Variants in AGBL1 observed in about 807,000 individuals in gnomAD.
AGBL1 encodes AGBL carboxypeptidase 1.
Under a neutral mutation model 118.9 loss-of-function variants are expected in AGBL1, and 130 were observed. The observed-to-expected ratio is 1.09, with a 90% CI of 0.95 to 1.26. The LOEUF (loss-of-function observed/expected upper bound fraction) is 1.26. AGBL1 is among the 50% of genes most tolerant of loss of function. The pLI is 0.00. For synonymous variants in AGBL1, 555 were observed against 478.9 expected (o/e 1.16, Z -2.08); for missense variants, 1,584 against 1,298.1 (o/e 1.22, Z -3.38).
intron 18 of AGBL1, among the ~76,000 whole-genome samples, chr15:86,458,050 C>T (rs1596139271): frequency 6.9e-6 from 1 of 144,596 alleles, no homozygotes; most frequent in East Asian, 1.9e-4. Flanking sequence ...TTTTTGGAAG[C>T]CAAATACACT....
intron 1 of AGBL1, among the ~76,000 whole-genome samples, chr15:86,126,418 A>G (rs1007350217): frequency 6.6e-6 from 1 of 152,216 alleles, no homozygotes; most frequent in Admixed American, 6.5e-5. Flanking sequence ...GCAGAATTCT[A>G]GGGTGACATC....
intron 22 of AGBL1, among the ~76,000 whole-genome samples, chr15:86,836,715 A>G (rs375069286): frequency 6.6e-6 from 1 of 151,888 alleles, no homozygotes; most frequent in East Asian, 1.9e-4. Context: ...CCTTCACCAC[A>G]TGTTCCAGTC....
intron 3 of AGBL1, among the ~76,000 whole-genome samples, chr15:86,148,213 C>A (rs1454632066): frequency 2.6e-5 from 4 of 152,176 alleles, no homozygotes; most frequent in African/African-American, 9.7e-5. Flanking sequence ...AAAATCAGAG[C>A]ATCTCTTCTC....
rs1489163488 is a variant in AGBL1, at chr15:86,291,341, A to G, written c.2221-3914A>G. ...CCAAGAATGATTTTTTTGTATACATATATGTACAATGGGTTTATTTATGCA... is the reference window on the plus strand; with the variant it reads ...CCAAGAATGATTTTTTTGTATACATGTATGTACAATGGGTTTATTTATGCA... On this transcript the variant is annotated intron_variant, in intron 16 of 22. Coordinates refer to ENST00000614907, the MANE Select transcript of AGBL1 (RefSeq NM_001386094.1). Among the ~76,000 whole-genome samples the G allele has an allele frequency of 7.1e-4, 107 of 151,520 alleles. 3 individuals are homozygous for G. Among genetic ancestry groups the G allele is most frequent in the Admixed American group, 7.1e-3 (107 of 15,174 alleles).
intron 24 of AGBL1, among the ~76,000 whole-genome samples, chr15:86,991,440 A>T (rs972555599): frequency 6.6e-6 from 1 of 151,574 alleles, no homozygotes; most frequent in East Asian, 1.9e-4. Flanking sequence ...TTTCAGATTT[A>T]TATTTATTTA....
At chr15:86,650,579 T>C (rs2085352412) in intron 21 of AGBL1, among the ~76,000 whole-genome samples, 2 of 152,192 alleles carry the variant, frequency 1.3e-5, no homozygotes, top group South Asian at 4.1e-4. Context: ...CTTGTTTTTC[T>C]TCAGTCCACA....
At position 86,675,863 on chromosome 15, in the gene AGBL1, C is replaced by T. The variant is rs2085836446; in HGVS notation, c.3158+1427C>T. 2.0e-5 allele frequency among the ~76,000 whole-genome samples: 3 copies of T among 152,112 alleles called. No individual in the cohort carries two copies. In the South Asian group the frequency reaches 6.2e-4, roughly 31 times the overall value. On this transcript the variant is annotated intron_variant, in intron 22 of 22. Coordinates refer to ENST00000614907, the MANE Select transcript of AGBL1 (RefSeq NM_001386094.1). ...GCTTGCTTTCGTCAAATTGATTGTGCCCGTCTGTTTGATCCAATTCAGTGA... is the reference window on the plus strand; with the variant it reads ...GCTTGCTTTCGTCAAATTGATTGTGTCCGTCTGTTTGATCCAATTCAGTGA...
intron 16 of AGBL1, among the ~76,000 whole-genome samples, chr15:86,285,291 G>A (rs1219034818): frequency 6.6e-6 from 1 of 152,086 alleles, no homozygotes; most frequent in Non-Finnish European, 1.5e-5. Flanking sequence ...TCATTGAGGG[G>A]TGCAGGGAGA....
chr15:86,745,483 C>A (rs1331647422), intron 22 of AGBL1, among the ~76,000 whole-genome samples: 1 of 151,976 alleles, frequency 6.6e-6, no homozygotes, highest in Non-Finnish European at 1.5e-5. Context: ...GTGCAGAGAA[C>A]TGGGAACTAC....
intron 18 of AGBL1, among the ~76,000 whole-genome samples, chr15:86,499,033 T>C (rs916012311): frequency 2.6e-5 from 4 of 151,768 alleles, no homozygotes; most frequent in Non-Finnish European, 5.9e-5. Context: ...CCATGAAGAG[T>C]GACACAGATA....
intron 21 of AGBL1, among the ~76,000 whole-genome samples, chr15:86,561,634 C>A (rs182601782): frequency 4.8e-4 from 73 of 152,190 alleles, no homozygotes; most frequent in Non-Finnish European, 1.0e-3. Flanking sequence ...CTTGGCAATG[C>A]GGGCTCTTTT....
intron 22 of AGBL1, among the ~76,000 whole-genome samples, chr15:86,875,713 C>T (rs2079797103): frequency 6.6e-6 from 1 of 152,156 alleles, no homozygotes; most frequent in Admixed American, 6.5e-5. Context: ...ATTAAAGATA[C>T]AGATTACAAA....
At chr15:86,115,661 C>A (rs765208400) in intron 1 of AGBL1, among the ~76,000 whole-genome samples, 118 of 152,216 alleles carry the variant, frequency 7.8e-4, no homozygotes, top group Non-Finnish European at 4.4e-4. Flanking sequence ...ATTGGTGCCT[C>A]ATTTTCTGTC....
intron 5 of AGBL1, among the ~76,000 whole-genome samples, chr15:86,180,355 C>T (rs531662076): frequency 6.6e-6 from 1 of 152,112 alleles, no homozygotes; most frequent in East Asian, 1.9e-4. Flanking sequence ...ATTAATGGAA[C>T]AGTATAGACA....
intron 21 of AGBL1, among the ~76,000 whole-genome samples, chr15:86,625,041 C>G (rs1258407333): frequency 6.6e-6 from 1 of 152,186 alleles, no homozygotes; most frequent in Non-Finnish European, 1.5e-5. Flanking sequence ...CAGCCCCACA[C>G]CCACGCAGCA....
chr15:86,592,758 C>T (rs960666244), intron 21 of AGBL1, among the ~76,000 whole-genome samples: 13 of 152,182 alleles, frequency 8.5e-5, no homozygotes, highest in African/African-American at 2.9e-4. Flanking sequence ...ACCAGCTTCA[C>T]GTGTTTTCTA....
At chr15:86,490,049 T>TGTGTTACCTC (rs1491425501) in intron 18 of AGBL1, among the ~76,000 whole-genome samples, 3 of 152,062 alleles carry the variant, frequency 2.0e-5, no homozygotes, top group African/African-American at 7.2e-5. Context: ...CAGGTTGCCT[T>TGTGTTACCTC]GTGTTACCTC....
At chr15:86,185,190 T>C (rs868043079) in intron 5 of AGBL1, among the ~76,000 whole-genome samples, 15 of 152,166 alleles carry the variant, frequency 9.9e-5, no homozygotes, top group South Asian at 2.1e-4. Flanking sequence ...GAAATACAAA[T>C]CAAAACCACA....
At chr15:86,866,957 A>G (rs2079640403) in intron 22 of AGBL1, among the ~76,000 whole-genome samples, 1 of 152,200 alleles carries the variant, frequency 6.6e-6, no homozygotes, top group African/African-American at 2.4e-5. Context: ...GTTAGGCAAG[A>G]TGCAGAACAG....
Sources: gnomAD v4.1 joint callset for allele counts (sites outside exome capture counted in the v4.1 genomes callset) on GRCh38, gnomAD v4.1.1 for gene constraint, MANE v1.5 for transcripts, NCBI Gene and HGNC (gene_info 2026-07-23, HGNC 2026-07-21) for gene names.